TNIK: variants seen among roughly 807,000 people sequenced by gnomAD.
TNIK encodes TRAF2 and NCK-interacting protein kinase.
A neutral mutation model predicts 191.3 loss-of-function variants in TNIK; 49 were observed. The ratio of observed to expected loss-of-function variants is 0.26; its 90% CI spans 0.20 to 0.32. The LOEUF (loss-of-function observed/expected upper bound fraction) is 0.32. TNIK is among the 10% of genes least tolerant of loss of function. TNIK has a pLI of 1.00. For synonymous variants in TNIK, 594 were observed against 600.9 expected (o/e 0.99, Z 0.17); for missense variants, 1,155 against 1,702.3 (o/e 0.68, Z 5.66).
intron 2 of TNIK, among the ~76,000 whole-genome samples, chr3:171,231,225 G>A (rs1400688891): frequency 1.3e-5 from 2 of 152,024 alleles, no homozygotes; most frequent in East Asian, 1.9e-4. Flanking sequence ...AGTTCTTGTT[G>A]GAATAAATAA....
rs575042304 is a variant in TNIK at position 171,287,445 on chromosome 3, C to A, written c.124-59224G>T. Among the ~76,000 whole-genome samples the A allele has an allele frequency of 3.9e-5, 6 of 152,326 alleles. No individual in the cohort carries two copies. The South Asian group carries it at 1.0e-3, about 26-fold the overall frequency. On this transcript the variant is annotated intron_variant, in intron 2 of 32. Coordinates refer to ENST00000436636, the MANE Select transcript of TNIK (RefSeq NM_015028.4). ...AGAAGGTCACCCCAGCTGTGCACAA[C>A]CTGAATCCAACAGGATTCCAACAGG...
chr3:171,454,711 A>T (rs1315382341), intron 1 of TNIK, among the ~76,000 whole-genome samples: 7 of 152,250 alleles, frequency 4.6e-5, no homozygotes, highest in Admixed American at 4.6e-4. Context: ...TCATTTTGAG[A>T]TACTGTTATC....
intron 2 of TNIK, among the ~76,000 whole-genome samples, chr3:171,268,855 G>A (rs1410871933): frequency 6.6e-6 from 1 of 152,158 alleles, no homozygotes; most frequent in Non-Finnish European, 1.5e-5. Flanking sequence ...TGGCAGCTCT[G>A]GGAAGTACTT....
At chr3:171,282,424 C>T (rs372155437) in intron 2 of TNIK, among the ~76,000 whole-genome samples, 6 of 150,084 alleles carry the variant, frequency 4.0e-5, no homozygotes, top group African/African-American at 9.8e-5. Flanking sequence ...TCACTGCAAC[C>T]TCCAACTCCT....
intron 12 of TNIK, among the ~76,000 whole-genome samples, chr3:171,155,102 A>G (rs936106515): frequency 2.0e-5 from 3 of 152,236 alleles, no homozygotes; most frequent in Non-Finnish European, 4.4e-5. Flanking sequence ...AGGGGTAGCT[A>G]AGTGGGAATG....
At chr3:171,150,081 T>C (rs1356309859) in intron 12 of TNIK, among the ~76,000 whole-genome samples, 3 of 152,150 alleles carry the variant, frequency 2.0e-5, no homozygotes, top group Non-Finnish European at 4.4e-5. Flanking sequence ...ACCCACACGA[T>C]TTTCCTGTCT....
chr3:171,205,327 T>C (rs967352021), intron 4 of TNIK, among the ~76,000 whole-genome samples: 1 of 152,192 alleles, frequency 6.6e-6, no homozygotes, highest in African/African-American at 2.4e-5. Context: ...TCTTCATCTT[T>C]GGTAAGAAAG....
intron 1 of TNIK, among the ~76,000 whole-genome samples, chr3:171,392,791 A>AAAG (rs1719731958): frequency 6.6e-6 from 1 of 151,152 alleles, no homozygotes; most frequent in Non-Finnish European, 1.5e-5. Flanking sequence ...AAAAAAAAAA[A>AAAG]AAAAGAAAAG....
In TNIK at chr3:171,232,265, G is replaced by T. The variant is rs143142640; in HGVS notation, c.124-4044C>A. On this transcript the variant is annotated intron_variant, in intron 2 of 32. Transcript: ENST00000436636. ...CTTGGGAGGCTGAGGCAGAAGGATGGCTTGACTCCAGGAGTTCGAGGCTGG... is the reference window on the plus strand; with the variant it reads ...CTTGGGAGGCTGAGGCAGAAGGATGTCTTGACTCCAGGAGTTCGAGGCTGG... 1.6e-4 allele frequency among the ~76,000 whole-genome samples: 25 copies of T among 151,938 alleles called. No homozygotes were observed. In the East Asian group the frequency reaches 4.3e-3, roughly 26 times the overall value.
At chr3:171,289,446 G>C (rs182970538) in intron 2 of TNIK, among the ~76,000 whole-genome samples, 72 of 152,266 alleles carry the variant, frequency 4.7e-4, no homozygotes, top group African/African-American at 1.7e-3. Context: ...ATCCTGCCAT[G>C]ACATTCCAGA....
intron 7 of TNIK, among the ~76,000 whole-genome samples, chr3:171,186,399 A>C (rs1737373229): frequency 6.6e-6 from 1 of 152,204 alleles, no homozygotes; most frequent in Admixed American, 6.5e-5. Context: ...ATTATTTACT[A>C]TTTGATTTGT....
At chr3:171,298,024 GA>G (rs1218082546) in intron 2 of TNIK, among the ~76,000 whole-genome samples, 9 of 152,226 alleles carry the variant, frequency 5.9e-5, no homozygotes, top group Non-Finnish European at 2.9e-5. Flanking sequence ...TGGAATAGTA[GA>G]TGCAAACTGC....
At chr3:171,110,908 C>CT in intron 18 of TNIK, 31 bp from the exon 19 acceptor site, 1 of 1,535,324 alleles carries the variant, frequency 6.5e-7, no homozygotes, top group Non-Finnish European at 8.8e-7. Context: ...ACTGGTTACA[C>CT]TCTCCAGACC....
chr3:171,188,222 A>G (rs1158643157), intron 7 of TNIK, among the ~76,000 whole-genome samples: 3 of 152,234 alleles, frequency 2.0e-5, no homozygotes, highest in African/African-American at 4.8e-5. Flanking sequence ...GTAGTCACCA[A>G]TATTCCATCT....
At chr3:171,424,577 T>C (rs1414119916) in intron 1 of TNIK, among the ~76,000 whole-genome samples, 6 of 152,048 alleles carry the variant, frequency 3.9e-5, no homozygotes, top group Non-Finnish European at 7.4e-5. Context: ...AGGCTTGGAA[T>C]GAACCCAAAT....
intron 28 of TNIK, among the ~76,000 whole-genome samples, chr3:171,075,467 C>A (rs1576908503): frequency 6.6e-6 from 1 of 152,138 alleles, no homozygotes; most frequent in Non-Finnish European, 1.5e-5. Context: ...TTAGAAAGTA[C>A]CAAATAATTC....
At chr3:171,323,735 T>C (rs528247536) in intron 2 of TNIK, among the ~76,000 whole-genome samples, 8 of 152,180 alleles carry the variant, frequency 5.3e-5, no homozygotes, top group Non-Finnish European at 8.8e-5. Flanking sequence ...GTGAAGATAC[T>C]GCACAGGAAT....
intron 1 of TNIK, among the ~76,000 whole-genome samples, chr3:171,416,575 A>G (rs1723115294): frequency 6.6e-6 from 1 of 152,186 alleles, no homozygotes; most frequent in South Asian, 2.1e-4. Flanking sequence ...TTTACTCTAC[A>G]ATATTTAAAG....
At chr3:171,287,242 A>G (rs1751112794) in intron 2 of TNIK, among the ~76,000 whole-genome samples, 1 of 152,248 alleles carries the variant, frequency 6.6e-6, no homozygotes, top group African/African-American at 2.4e-5. Context: ...TTGAACAAAA[A>G]TTCTCATTTT....
Sources: allele counts gnomAD v4.1 joint callset (sites outside exome capture counted in the v4.1 genomes callset), GRCh38; gene constraint gnomAD v4.1.1; transcripts MANE v1.5; gene names NCBI Gene and HGNC (gene_info 2026-07-23, HGNC 2026-07-21).